The following FBXL5 variants were observed in gnomAD, a reference collection of about 807,000 sequenced individuals.
The protein encoded by FBXL5 is F-box and leucine rich repeat protein 5.
In FBXL5, 26 loss-of-function variants were observed where a neutral mutation model predicts 78.3. The ratio of observed to expected loss-of-function variants is 0.33; its 90% CI spans 0.24 to 0.46. The LOEUF is 0.46. FBXL5 is among the 20% of genes least tolerant of loss of function. The pLI is 1.00. For missense variants in FBXL5, 710 were observed against 829.2 expected (o/e 0.86, Z 1.77); for synonymous variants, 295 against 282.5 (o/e 1.04, Z -0.45).
chr4:15,679,082 T>TC (rs2148833856), intron 1 of FBXL5, among the ~76,000 whole-genome samples: 1 of 149,256 alleles, frequency 6.7e-6, no homozygotes, highest in African/African-American at 2.5e-5. Flanking sequence ...TTTTTTTTTT[T>TC]TGAGACGGAG....
intron 2 of FBXL5, among the ~76,000 whole-genome samples, chr4:15,642,616 A>C (rs1464813491): frequency 6.6e-6 from 1 of 152,186 alleles, no homozygotes; most frequent in Non-Finnish European, 1.5e-5. Context: ...AATTTATTCA[A>C]CTGCTTCCCA....
At chr4:15,618,352 T>G (rs1712121991) in intron 9 of FBXL5, among the ~76,000 whole-genome samples, 1 of 152,026 alleles carries the variant, frequency 6.6e-6, no homozygotes, top group Non-Finnish European at 1.5e-5. Context: ...GGCAACACAA[T>G]GAGACTAAAT....
In FBXL5 at chr4:15,636,633, A is replaced by G. The variant is rs149599489; in HGVS notation, c.627T>C (p.Pro209=). 545 of 1,613,976 alleles carry G rather than the reference A, an allele frequency of 3.4e-4. 2 individuals are homozygous for G. In the African/African-American group the frequency reaches 6.4e-3, roughly 19 times the overall value. ...TGAAAATTGACAGCATTACCTCAGG[A>G]GGAAGATGGGTTATACCTGTGGAGT... is the stretch of plus-strand genomic sequence containing the variant. ...SEHSTGITHL[P]PEVMLSIFSY... is the part of the protein sequence containing the mutation. Residue 209 remains proline, a synonymous_variant, in exon 5 of 11, where the codon CCT becomes CCC. Transcript: ENST00000341285.
At chr4:15,633,938 G>C (rs924806586) in intron 5 of FBXL5, among the ~76,000 whole-genome samples, 1 of 151,932 alleles carries the variant, frequency 6.6e-6, no homozygotes, top group Non-Finnish European at 1.5e-5. Context: ...CTAAATTAAG[G>C]CTTCTCAACC....
In FBXL5 at chr4:15,655,282, C is replaced by T. The variant is rs757194356; in HGVS notation, c.6G>A (p.Ala2=). The T allele has an allele frequency of 1.4e-6, 2 of 1,426,460 alleles. No individual in the cohort carries two copies. Among genetic ancestry groups the T allele is most frequent in the East Asian group, 3.1e-5 (1 of 31,954 alleles). The allele number at this position is 1,426,460 out of a possible 1,614,324, so 88.4% of individuals were successfully genotyped here. The change falls in exon 1 of 11, where the codon GCG becomes GCA. Residue 2 remains alanine, a synonymous_variant. Coordinates refer to ENST00000341285, the MANE Select transcript of FBXL5 (RefSeq NM_012161.4). ...AGACGTCCACTTCTTCAGGAAAGGG[C>T]GCCATCGCCACTGCCTCAGCCTCCG... The part of the protein sequence containing the change: M[A]PFPEEVDVFT...
At chr4:15,612,493 A>G (rs2148524838) in intron 9 of FBXL5, 79 bp from the exon 10 acceptor site, 3 of 1,267,626 alleles carry the variant, frequency 2.4e-6, no homozygotes, top group Non-Finnish European at 3.2e-6. Flanking sequence ...CTGAACCACT[A>G]TTTTACATAC....
At chr4:15,660,082 ATT>A (rs773132678), upstream of FBXL5, among the ~76,000 whole-genome samples, 5 of 140,430 alleles carry the variant, frequency 3.6e-5, no homozygotes, top group Middle Eastern at 3.2e-3. Context: ...TACCCCTGAC[ATT>A]TTTTTTTTTT....
At chr4:15,677,660 T>A (rs1718044809) in intron 1 of FBXL5, among the ~76,000 whole-genome samples, 1 of 152,194 alleles carries the variant, frequency 6.6e-6, no homozygotes, top group Admixed American at 6.5e-5. Flanking sequence ...AGAGAGGGCA[T>A]GAAAGTTTTG....
At chr4:15,663,347 G>A (rs1717400078), upstream of FBXL5, among the ~76,000 whole-genome samples, 1 of 152,234 alleles carries the variant, frequency 6.6e-6, no homozygotes, top group African/African-American at 2.4e-5. Flanking sequence ...TATGAAATAG[G>A]ATACCATAAT....
intron 1 of FBXL5, among the ~76,000 whole-genome samples, chr4:15,654,726 T>C (rs977789731): frequency 6.6e-6 from 1 of 151,880 alleles, no homozygotes; most frequent in Non-Finnish European, 1.5e-5. Flanking sequence ...GTGCAGAGGA[T>C]GGGTGGGTGT....
At chr4:15,631,274 T>G (rs1713626918) in intron 5 of FBXL5, among the ~76,000 whole-genome samples, 1 of 152,266 alleles carries the variant, frequency 6.6e-6, no homozygotes, top group South Asian at 2.1e-4. Flanking sequence ...TGCATAGTAT[T>G]ACATGGTGTA....
At chr4:15,675,096 C>T (rs1371907757) in intron 1 of FBXL5, among the ~76,000 whole-genome samples, 1 of 152,144 alleles carries the variant, frequency 6.6e-6, no homozygotes, top group African/African-American at 2.4e-5. Context: ...GATGAAGCAA[C>T]TGTAAGGTAT....
chr4:15,651,474 C>G (rs1396825668), intron 1 of FBXL5, among the ~76,000 whole-genome samples: 2 of 152,178 alleles, frequency 1.3e-5, no homozygotes, highest in African/African-American at 4.8e-5. Context: ...AGTAAGAACT[C>G]ATTAAATTCC....
intron 1 of FBXL5, among the ~76,000 whole-genome samples, chr4:15,676,133 T>C (rs1390414383): frequency 6.6e-6 from 1 of 152,216 alleles, no homozygotes; most frequent in Non-Finnish European, 1.5e-5. Context: ...GCAACCCAGC[T>C]TATGGAAATT....
chr4:15,621,983 C>T (rs1712530020), intron 9 of FBXL5, among the ~76,000 whole-genome samples: 1 of 152,174 alleles, frequency 6.6e-6, no homozygotes, highest in Non-Finnish European at 1.5e-5. Flanking sequence ...TGCATGCCAC[C>T]ATGCCTAACT....
intron 1 of FBXL5, among the ~76,000 whole-genome samples, chr4:15,676,936 T>C (rs1718015151): frequency 6.6e-6 from 1 of 152,178 alleles, no homozygotes; most frequent in Non-Finnish European, 1.5e-5. Flanking sequence ...TAGTCACGAA[T>C]GGCCCAATAC....
intron 1 of FBXL5, among the ~76,000 whole-genome samples, chr4:15,677,412 G>A (rs73243131): frequency 6.6e-6 from 1 of 152,066 alleles, no homozygotes; most frequent in Non-Finnish European, 1.5e-5. Flanking sequence ...TGACTCATAG[G>A]GGTTGGGAGA....
In FBXL5 at chr4:15,655,253, G is replaced by C; in HGVS notation, c.35C>G (p.Thr12Ser). 6.9e-7 allele frequency: 1 copy of C among 1,443,952 alleles called. No homozygotes were observed. Among genetic ancestry groups the C allele is most frequent in the Non-Finnish European group, 9.3e-7 (1 of 1,079,544 alleles). The allele number at this position is 1,443,952 out of a possible 1,614,324, so 89.4% of individuals were successfully genotyped here. Residue 12 changes from threonine (T) to serine (S), a missense_variant, in exon 1 of 11, where the codon ACC becomes AGC. By Grantham distance (58) the Thr-to-Ser change is moderately conservative. This residue lies in a region of FBXL5 where 132 missense variants were observed against 156.9 expected (regional missense o/e 0.84). Transcript: ENST00000341285. ...CTGCTTCATCCGCCAGTGTGGGGCG[G>C]TGAAGACGTCCACTTCTTCAGGAAA... ...APFPEEVDVF[T>S]APHWRMKQLV...
intron 6 of FBXL5, 56 bp downstream of exon 6, chr4:15,630,610 C>T: frequency 7.1e-7 from 1 of 1,415,360 alleles, no homozygotes; most frequent in Non-Finnish European, 9.3e-7. Flanking sequence ...ATTATAAGTA[C>T]TTAATTATCA....
Sources: allele counts gnomAD v4.1 joint callset (sites outside exome capture counted in the v4.1 genomes callset), GRCh38; gene constraint gnomAD v4.1.1; regional missense constraint gnomAD v4.1.1; transcripts MANE v1.5; gene names NCBI Gene and HGNC (gene_info 2026-07-23, HGNC 2026-07-21).